Variants in PPFIA3 observed in about 807,000 individuals in gnomAD.
PPFIA3 encodes liprin-alpha-3.
In PPFIA3, 26 loss-of-function variants were observed where a neutral mutation model predicts 145.8. The ratio of observed to expected loss-of-function variants is 0.18; its 90% CI spans 0.13 to 0.25. The LOEUF is 0.25. Among genes scored for constraint, PPFIA3 ranks in the 10% least tolerant of loss-of-function variants. The pLI is 1.00. For missense variants in PPFIA3, 1,008 were observed against 1,587.8 expected (o/e 0.63, Z 6.21); for synonymous variants, 645 against 661.4 (o/e 0.98, Z 0.38).
At chr19:49,147,936 G>T in intron 23 of PPFIA3, 147 bp from the exon 24 acceptor site, 1 of 747,446 alleles carries the variant, frequency 1.3e-6, no homozygotes. Flanking sequence ...ACTCTGGATT[G>T]GTCCATTATC....
At position 49,140,632 on chromosome 19, in the gene PPFIA3, C is replaced by G. The variant is rs537649629; in HGVS notation, c.2368+544C>G. ...TCCCAAAGTGCTGGGATTACAGACT[C>G]ATTTACCTTTTTTTTTTTTTTTTTT... On this transcript the variant is annotated intron_variant, in intron 18 of 29. Coordinates refer to ENST00000334186, the MANE Select transcript of PPFIA3 (RefSeq NM_003660.4). Among the ~76,000 whole-genome samples, 38 of 117,662 alleles carry G rather than the reference C, an allele frequency of 3.2e-4. No individual in the cohort carries two copies. In the South Asian group the frequency reaches 0.011, roughly 34 times the overall value. The allele number at this position is 117,662 out of a possible 152,430, so 77.2% of individuals were successfully genotyped here.
Position 49,128,528 on chromosome 19 carries a change from G to T in PPFIA3, c.342+60G>T. The T allele has an allele frequency of 1.9e-5, 28 of 1,453,790 alleles. No individual in the cohort carries two copies. The highest frequency in any genetic ancestry group is 2.7e-5 in the Non-Finnish European group (28 of 1,042,102). 90.1% of individuals were successfully genotyped at this position (1,453,790 alleles called of 1,614,324 possible). On this transcript the variant is annotated intron_variant, in intron 3 of 29. Coordinates refer to ENST00000334186, the MANE Select transcript of PPFIA3 (RefSeq NM_003660.4). This position sits in a 1 kb window ranked among gnomAD's most constrained non-coding sequence, Gnocchi z 4.1. The stretch of plus-strand genomic sequence containing the variant: ...CGGGGCCTCGTGGTGTTGAAGTGGG[G>T]GGCGGGGCCTCTCAGTGTTGCAGCG...
chr19:49,147,745 AATGTAT>A (rs34938830), intron 23 of PPFIA3, among the ~76,000 whole-genome samples: 98,054 of 151,416 alleles, frequency 0.65, 33,132 homozygotes, highest in African/African-American at 0.82. Context: ...AAATAAATAT[AATGTAT>A]ATTTCGAATC....
chr19:49,148,158 C>T lies in PPFIA3; in HGVS notation c.2911C>T (p.Arg971Cys). 1 of 1,614,202 alleles carries T rather than the reference C, an allele frequency of 6.2e-7. No homozygotes were observed. The highest frequency in any genetic ancestry group is 8.5e-7 in the Non-Finnish European group (1 of 1,180,032). ...GCCCAGCCTGGGGCTGCCCCAATACCGCAGCTACTTCATGGAGTCGCTGGT... is the reference window on the plus strand; with the variant it reads ...GCCCAGCCTGGGGCTGCCCCAATACTGCAGCTACTTCATGGAGTCGCTGGT... ...WLPSLGLPQYRSYFMESLVDA... is the reference protein window; with the variant it reads ...WLPSLGLPQYCSYFMESLVDA... The change falls in exon 24 of 30, where the codon CGC becomes TGC. Residue 971 changes from arginine (R) to cysteine (C), a missense_variant. By Grantham distance (180) the Arg-to-Cys change is radical. Transcript: ENST00000334186.
chr19:49,137,001 G>A (rs977364033), intron 15 of PPFIA3, 90 bp downstream of exon 15: 19 of 1,252,692 alleles, frequency 1.5e-5, no homozygotes, highest in South Asian at 3.2e-5. Context: ...GCCTGAGTCC[G>A]TCTCCTCTTA....
chr19:49,140,239 G>C, intron 18 of PPFIA3, 151 bp downstream of exon 18: 1 of 1,059,726 alleles, frequency 9.4e-7, no homozygotes, highest in Admixed American at 2.6e-5. Context: ...AGCTTGCCAA[G>C]GTAGGCGGGA....
intron 5 of PPFIA3, among the ~76,000 whole-genome samples, 179 bp from the exon 6 acceptor site, chr19:49,129,814 A>G (rs2041047308): frequency 6.6e-6 from 1 of 152,128 alleles, no homozygotes; most frequent in African/African-American, 2.4e-5. Flanking sequence ...GGTGGCAGCT[A>G]AGGAGGGATA....
intron 19 of PPFIA3, 113 bp downstream of exon 19, chr19:49,141,626 G>T: frequency 1.3e-6 from 1 of 784,140 alleles, no homozygotes; most frequent in Non-Finnish European, 2.0e-6. Context: ...GAGAGGGTGT[G>T]TGAGTGTGTG....
chr19:49,143,689 A>G (rs374177101), intron 21 of PPFIA3, among the ~76,000 whole-genome samples: 2 of 152,202 alleles, frequency 1.3e-5, no homozygotes, highest in East Asian at 3.9e-4. Flanking sequence ...CCAACTTTTG[A>G]TTACGAGACA....
At chr19:49,142,160 C>T in intron 20 of PPFIA3, 45 bp downstream of exon 20, 1 of 1,513,386 alleles carries the variant, frequency 6.6e-7, no homozygotes, top group South Asian at 1.2e-5. Flanking sequence ...CCCAACCCCT[C>T]TGACAGCCCC....
chr19:49,127,743 C>A, intron 1 of PPFIA3, 116 bp from the exon 2 acceptor site: 2 of 1,225,662 alleles, frequency 1.6e-6, no homozygotes, highest in Non-Finnish European at 1.1e-6. Flanking sequence ...TTCTTCTGTG[C>A]AGTGCTTGGT....
intron 1 of PPFIA3, among the ~76,000 whole-genome samples, chr19:49,127,026 T>C (rs2041006756): frequency 7.0e-6 from 1 of 143,460 alleles, no homozygotes; most frequent in African/African-American, 2.6e-5. Context: ...TGGCATACTT[T>C]GGGATGCTGA....
chr19:49,136,055 CCTTT>C (rs2041133821), intron 14 of PPFIA3, 132 bp downstream of exon 14: 1 of 1,075,566 alleles, frequency 9.3e-7, no homozygotes, highest in African/African-American at 1.6e-5. Flanking sequence ...ATCCACTCAC[CCTTT>C]CTTCTCTCCT....
chr19:49,121,076 T>C (rs2040931220), intron 1 of PPFIA3, among the ~76,000 whole-genome samples: 1 of 152,134 alleles, frequency 6.6e-6, no homozygotes, highest in South Asian at 2.1e-4. Context: ...CTCATCCTCA[T>C]GTCACCCCAG....
chr19:49,127,797 C>T, intron 1 of PPFIA3, 62 bp from the exon 2 acceptor site: 2 of 1,557,928 alleles, frequency 1.3e-6, no homozygotes, highest in Non-Finnish European at 1.7e-6. Context: ...AGTGGCTGTG[C>T]CTCAGTTTCT....
rs1423576887 is a variant in PPFIA3 at position 49,130,753 on chromosome 19, GTAT to G, written c.879+155_879+157del. On this transcript the variant is annotated intron_variant, in intron 7 of 29. Transcript: ENST00000334186. The surrounding 1 kb of genome is among the most constrained non-coding windows in gnomAD (Gnocchi z 4.5). ...AGTTTTCCCACCTGTGAAAGGAAAT[GTAT>G]GATTCTCATCAGAGGGTGAGCCTGT... Among the ~76,000 whole-genome samples, 2 of 152,232 alleles carry G rather than the reference GTAT, an allele frequency of 1.3e-5. No individual in the cohort carries two copies. Among genetic ancestry groups the G allele is most frequent in the African/African-American group, 4.8e-5 (2 of 41,452 alleles).
At chr19:49,138,556 A>C in intron 16 of PPFIA3, 129 bp downstream of exon 16, 1 of 741,114 alleles carries the variant, frequency 1.3e-6, no homozygotes, top group East Asian at 3.2e-5. Context: ...CTTTCCCTAA[A>C]GGTTCAAACT....
chr19:49,129,357 T>A (rs1041272853), intron 4 of PPFIA3, 23 bp from the exon 5 acceptor site: 14 of 1,548,582 alleles, frequency 9.0e-6, no homozygotes, highest in Non-Finnish European at 1.2e-5. Context: ...TCCAGCTGAC[T>A]GTTGCCCTGC....
Position 49,149,362 on chromosome 19 carries a change from G to A in PPFIA3, c.3354+37G>A. 6.2e-7 allele frequency: 1 copy of A among 1,611,526 alleles called. No individual in the cohort carries two copies. Among genetic ancestry groups the A allele is most frequent in the Non-Finnish European group, 8.5e-7 (1 of 1,177,918 alleles). On this transcript the variant is annotated intron_variant, in intron 27 of 29. Transcript: ENST00000334186. This position sits in a 1 kb window ranked among gnomAD's most constrained non-coding sequence, Gnocchi z 5.7. Reference sequence around the variant, plus strand: ...AACAGCTCAGAGGGCTCTGCTCCCAGCGGCTCCTCGAGAGGCTGAGCTGAG... The same window carrying A: ...AACAGCTCAGAGGGCTCTGCTCCCAACGGCTCCTCGAGAGGCTGAGCTGAG...
Sources: gnomAD v4.1 joint callset for allele counts (sites outside exome capture counted in the v4.1 genomes callset) on GRCh38, gnomAD v4.1.1 for gene constraint, Gnocchi (gnomAD v3.1) non-coding constraint, MANE v1.5 for transcripts, NCBI Gene and HGNC (gene_info 2026-07-23, HGNC 2026-07-21) for gene names.